ILK: variants seen among roughly 807,000 people sequenced by gnomAD.
ILK encodes scaffold protein ILK.
Under a neutral mutation model 57.8 loss-of-function variants are expected in ILK, and 37 were observed. The ratio of observed to expected loss-of-function variants is 0.64; its 90% CI spans 0.49 to 0.84. ILK has a LOEUF of 0.84. Among genes scored for constraint, ILK ranks in the 40% least tolerant of loss-of-function variants. The pLI, the probability that ILK is intolerant of heterozygous loss-of-function variation, is 0.00. For missense variants in ILK, 528 were observed against 595.7 expected, an observed-to-expected ratio of 0.89 and a Z score of 1.18; for synonymous variants, 231 against 202.2, an observed-to-expected ratio of 1.14 and a Z score of -1.21.
chr11:6,609,265 A>G, intron 7 of ILK, 34 bp from the exon 8 acceptor site: 3 of 1,608,800 alleles, frequency 1.9e-6, no homozygotes, highest in Non-Finnish European at 2.6e-6. Context: ...TGGCAGCAAC[A>G]TTTCAAGCCT....
chr11:6,605,994 T>C (rs1169209727), intron 2 of ILK, among the ~76,000 whole-genome samples: 1 of 152,070 alleles, frequency 6.6e-6, no homozygotes, highest in African/African-American at 2.4e-5. Context: ...ACCAACATGG[T>C]GAAACCCTGT....
chr11:6,606,427 T>C (rs904688221), intron 2 of ILK: 2 of 152,228 alleles, frequency 1.3e-5, no homozygotes, highest in Non-Finnish European at 2.9e-5. Flanking sequence ...TCTTTAATAC[T>C]TTGCAAAGTC....
In ILK at chr11:6,608,107, G is replaced by T; in HGVS notation, c.151G>T (p.Glu51Ter). Reference sequence around the variant, plus strand: ...CCGAGAGGGCCGCTCTGCTGTGGTTGAGATGTTGATCATGCGGGGGGCACG... The same window carrying T: ...CCGAGAGGGCCGCTCTGCTGTGGTTTAGATGTTGATCATGCGGGGGGCACG... ...ACREGRSAVVEMLIMRGARIN... is the reference protein window; with the variant it reads ...ACREGRSAVV Residue 51 changes from glutamate to a stop codon, truncating the protein, a stop_gained, in exon 3 of 13, where the codon GAG (glutamate) becomes TAG (stop). Coordinates refer to ENST00000299421, the MANE Select transcript of ILK (RefSeq NM_004517.4). LOFTEE classifies it high-confidence loss of function. This position sits in a 1 kb window ranked among gnomAD's most constrained non-coding sequence, Gnocchi z 4.9. 6.2e-7 allele frequency: 1 copy of T among 1,614,184 alleles called. No homozygotes were observed. Among genetic ancestry groups the T allele is most frequent in the South Asian group, 1.1e-5 (1 of 91,084 alleles).
At chr11:6,610,061 G>A (rs750022564) in intron 11 of ILK, 26 bp downstream of exon 11, 6 of 1,613,976 alleles carry the variant, frequency 3.7e-6, no homozygotes, top group Non-Finnish European at 5.1e-6. Context: ...ATGTCGGGAG[G>A]TAAAAAAGGA....
chr11:6,605,830 A>G (rs1472481939), intron 2 of ILK, among the ~76,000 whole-genome samples: 4 of 152,218 alleles, frequency 2.6e-5, no homozygotes, highest in East Asian at 1.9e-4. Flanking sequence ...GCTGGGTGCT[A>G]GAGTCCAGAA....
intron 2 of ILK, among the ~76,000 whole-genome samples, chr11:6,605,746 T>A (rs1239047411): frequency 6.6e-6 from 1 of 152,178 alleles, no homozygotes; most frequent in Non-Finnish European, 1.5e-5. Context: ...TGAGTGTTGT[T>A]TCAGAATAAT....
In ILK at chr11:6,609,309, G is replaced by GC. The variant is rs746490939; in HGVS notation, c.631dup (p.Arg211ProfsTer6). 1 of 1,614,002 alleles carries GC rather than the reference G, an allele frequency of 6.2e-7. No individual in the cohort carries two copies. Among genetic ancestry groups the GC allele is most frequent in the Non-Finnish European group, 8.5e-7 (1 of 1,179,992 alleles). On this transcript the variant is annotated frameshift_variant, in exon 8 of 13. Transcript: ENST00000299421. LOFTEE classifies it high-confidence loss of function. ...CTACCTGTCCTGCAGCTATGGAAGG[G>GC]CCGCTGGCAGGGCAATGACATTGTC...
chr11:6,609,309 G>A lies in ILK; in HGVS notation c.629G>A (p.Gly210Asp), dbSNP rs1564847378. ...CTACCTGTCCTGCAGCTATGGAAGGGCCGCTGGCAGGGCAATGACATTGTC... is the reference window on the plus strand; with the variant it reads ...CTACCTGTCCTGCAGCTATGGAAGGACCGCTGGCAGGGCAATGACATTGTC... ...NENHSGELWK[G>D]RWQGNDIVVK... The change falls in exon 8 of 13, where the codon GGC becomes GAC. Residue 210 changes from glycine to aspartate, a missense_variant. By Grantham distance (94) the Gly-to-Asp change is moderately conservative (BLOSUM62 -1). Coordinates refer to ENST00000299421, the MANE Select transcript of ILK (RefSeq NM_004517.4). The A allele has an allele frequency of 1.9e-6, 3 of 1,614,002 alleles. No homozygotes were observed. Among genetic ancestry groups the A allele is most frequent in the Admixed American group, 1.7e-5 (1 of 60,010 alleles).
At position 6,610,582 on chromosome 11, in the gene ILK, C is replaced by G. The variant is rs766624785; in HGVS notation, c.1330C>G (p.Pro444Ala). The change falls in exon 13 of 13, where the codon CCT (proline) becomes GCT (alanine). Residue 444 changes from proline (P) to alanine (A), a missense_variant. Physicochemically the swap from Pro to Ala is conservative, Grantham distance 27. Coordinates refer to ENST00000299421, the MANE Select transcript of ILK (RefSeq NM_004517.4). ...GCGACCCAAATTTGACATGATTGTG[C>G]CTATCCTTGAGAAGATGCAGGACAA... is the stretch of plus-strand genomic sequence containing the variant. ...AKRPKFDMIV[P>A]ILEKMQDK 1.2e-6 allele frequency: 2 copies of G among 1,614,208 alleles called. No individual in the cohort carries two copies. The highest frequency in any genetic ancestry group is 2.2e-5 in the South Asian group (2 of 91,088).
At chr11:6,607,634 G>T in intron 2 of ILK, 1 of 278,518 alleles carries the variant, frequency 3.6e-6, no homozygotes, top group Non-Finnish European at 7.1e-6. Flanking sequence ...AAACTTAAAG[G>T]TCTAACAGAC....
Position 6,608,362 on chromosome 11 carries a change from G to A in ILK, c.256-32G>A, listed in dbSNP as rs764333255. 1 of 1,603,266 alleles carries A rather than the reference G, an allele frequency of 6.2e-7. No homozygotes were observed. ...TCATTTGGAACTGACTGTACTTTCT[G>A]CCTCTTCTTTTTGTCTGGCCATGGG... On this transcript the variant is annotated intron_variant, in intron 3 of 12. Coordinates refer to ENST00000299421, the MANE Select transcript of ILK (RefSeq NM_004517.4). The surrounding 1 kb of genome is among the most constrained non-coding windows in gnomAD (Gnocchi z 4.9).
Position 6,603,972 on chromosome 11 carries a change from G to C in ILK, c.-93+150G>C, listed in dbSNP as rs2555178. ...CCCCACTTCCCCCAACTCTGTTCGC[G>C]GATAGGGTCTAGTTGCCTGCTCTCG... On this transcript the variant is annotated intron_variant, in intron 1 of 12. Coordinates refer to ENST00000299421, the MANE Select transcript of ILK (RefSeq NM_004517.4). The C allele has an allele frequency of 5.1e-3, 2,741 of 532,950 alleles. 58 individuals carry two copies. The highest frequency in any genetic ancestry group is 0.046 in the African/African-American group (2,413 of 52,528). The allele number at this position is 532,950 out of a possible 1,614,324, so 33.0% of individuals were successfully genotyped here.
At chr11:6,610,340 T>C in intron 12 of ILK, 62 bp downstream of exon 12, 3 of 1,613,520 alleles carry the variant, frequency 1.9e-6, no homozygotes, top group Non-Finnish European at 2.5e-6. Context: ...AAAATAACTG[T>C]AGTGGGCCTT....
Position 6,610,537 on chromosome 11 carries a change from A to C in ILK, c.1285A>C (p.Met429Leu). ...PHVCKLMKICMNEDPAKRPKF... is the reference protein window; with the variant it reads ...PHVCKLMKICLNEDPAKRPKF... Reference sequence around the variant, plus strand: ...TGTGTGTAAGCTCATGAAGATCTGCATGAATGAAGACCCTGCAAAGCGACC... The same window carrying C: ...TGTGTGTAAGCTCATGAAGATCTGCCTGAATGAAGACCCTGCAAAGCGACC... Residue 429 changes from methionine (M) to leucine (L), a missense_variant, in exon 13 of 13, where the codon ATG (methionine) becomes CTG (leucine). Transcript: ENST00000299421. 1 of 1,614,232 alleles carries C rather than the reference A, an allele frequency of 6.2e-7. No homozygotes were observed. The highest frequency in any genetic ancestry group is 2.2e-5 in the East Asian group (1 of 44,890).
Position 6,610,260 on chromosome 11 carries a change from T to C in ILK, c.1191T>C (p.Asn397=). The C allele has an allele frequency of 2.5e-6, 4 of 1,614,136 alleles. No individual in the cohort carries two copies. The highest frequency in any genetic ancestry group is 3.4e-6 in the Non-Finnish European group (4 of 1,180,008). Residue 397 remains asparagine (N), a synonymous_variant, in exon 12 of 13, where the codon AAT becomes AAC. Transcript: ENST00000299421. ...AGGTACCCTTTGCTGACCTCTCCAATATGGAGATTGGAATGAAGGTGAGAG... is the reference window on the plus strand; with the variant it reads ...AGGTACCCTTTGCTGACCTCTCCAACATGGAGATTGGAATGAAGGTGAGAG... ...TREVPFADLS[N]MEIGMKVALE...
intron 2 of ILK, chr11:6,604,924 T>C (rs1238457168): frequency 2.2e-6 from 1 of 455,956 alleles, no homozygotes; most frequent in Non-Finnish European, 4.4e-6. Context: ...GAAGTAATGA[T>C]GTCTTGGACT....
chr11:6,603,954 T>TC, intron 1 of ILK, 132 bp downstream of exon 1: 1 of 506,592 alleles, frequency 2.0e-6, no homozygotes, highest in Non-Finnish European at 3.6e-6. Flanking sequence ...CCTCCCCACT[T>TC]CCCCCAACTC....
rs1855116109 is a variant in ILK at position 6,608,116 on chromosome 11, A to T, written c.160A>T (p.Ile54Phe). The T allele has an allele frequency of 6.2e-7, 1 of 1,614,098 alleles. No individual in the cohort carries two copies. The highest frequency in any genetic ancestry group is 8.5e-7 in the Non-Finnish European group (1 of 1,180,016). ...CCGCTCTGCTGTGGTTGAGATGTTG[A>T]TCATGCGGGGGGCACGGATCAATGT... The part of the protein sequence containing the change: ...EGRSAVVEML[I>F]MRGARINVMN... Residue 54 changes from isoleucine (I) to phenylalanine (F), a missense_variant, in exon 3 of 13, where the codon ATC (isoleucine) becomes TTC (phenylalanine). Coordinates refer to ENST00000299421, the MANE Select transcript of ILK (RefSeq NM_004517.4). This position sits in a 1 kb window ranked among gnomAD's most constrained non-coding sequence, Gnocchi z 4.9.
In ILK at chr11:6,608,920, T is replaced by C; in HGVS notation, c.485T>C (p.Ile162Thr). The change falls in exon 6 of 13, where the codon ATT becomes ACT. Residue 162 changes from isoleucine (I) to threonine (T), a missense_variant. Physicochemically the swap from Ile to Thr is moderately conservative, Grantham distance 89. Coordinates refer to ENST00000299421, the MANE Select transcript of ILK (RefSeq NM_004517.4). The surrounding 1 kb of genome is among the most constrained non-coding windows in gnomAD (Gnocchi z 4.9). Reference sequence around the variant, plus strand: ...AAGATGGGCCAGAATCTCAACCGTATTCCATACAAGGACACATTCTGGAAG... The same window carrying C: ...AAGATGGGCCAGAATCTCAACCGTACTCCATACAAGGACACATTCTGGAAG... ...AEKMGQNLNRIPYKDTFWKGT... is the reference protein window; with the variant it reads ...AEKMGQNLNRTPYKDTFWKGT... 1 of 1,614,210 alleles carries C rather than the reference T, an allele frequency of 6.2e-7. No individual in the cohort carries two copies. Among genetic ancestry groups the C allele is most frequent in the Non-Finnish European group, 8.5e-7 (1 of 1,180,040 alleles).
Sources: allele counts gnomAD v4.1 joint callset (sites outside exome capture counted in the v4.1 genomes callset), GRCh38; gene constraint gnomAD v4.1.1; non-coding constraint Gnocchi (gnomAD v3.1); transcripts MANE v1.5; gene names NCBI Gene and HGNC (gene_info 2026-07-23, HGNC 2026-07-21).